The following ATP7A variants were observed in gnomAD, a reference collection of about 807,000 sequenced individuals.
The protein encoded by ATP7A is ATPase copper transporting alpha.
ATP7A carries 7 observed loss-of-function variants against 83.5 expected under a neutral mutation model. The observed-to-expected ratio is 0.08, with a 90% CI of 0.05 to 0.16. The LOEUF is 0.16. Ranked by LOEUF, ATP7A falls within the 10% of genes least tolerant of loss-of-function variation. The probability of loss-of-function intolerance (pLI) is 1.00; values close to 1 mark genes in which losing one functional copy is unlikely to be tolerated. For synonymous variants in ATP7A, 354 were observed against 395.2 expected (o/e 0.90, Z 1.24); for missense variants, 940 against 1,120.8 (o/e 0.84, Z 2.30).
intron 13 of ATP7A, 81 bp from the exon 14 acceptor site, chrX:78,020,864 C>A (rs1470048629): frequency 9.7e-7 from 1 of 1,034,087 alleles, no homozygotes; most frequent in African/African-American, 1.9e-5. Context: ...GTGCTAACTA[C>A]TAAATATACT....
chrX:78,004,628 A>G (rs2077761518), intron 6 of ATP7A, among the ~76,000 whole-genome samples: 2 of 111,326 alleles, frequency 1.8e-5, no homozygotes. Context: ...CACGCCTGTA[A>G]TCCCAGCACT....
intron 1 of ATP7A, chrX:77,968,909 C>A (rs1244662202): frequency 5.0e-6 from 6 of 1,208,948 alleles, no homozygotes; most frequent in Non-Finnish European, 6.7e-6. Flanking sequence ...GCCACAGCTT[C>A]TATGGCTTTG....
Position 78,046,869 on chromosome X carries a change from G to T in ATP7A, c.*299G>T. The T allele has an allele frequency of 5.3e-5, 9 of 168,896 alleles. No homozygotes were observed. Among genetic ancestry groups the T allele is most frequent in the South Asian group, 3.0e-4 (1 of 3,311 alleles). 13.9% of individuals were successfully genotyped at this position (168,896 alleles called of 1,213,427 possible). On this transcript the variant is annotated 3_prime_UTR_variant, in exon 23 of 23. Coordinates refer to ENST00000341514, the MANE Select transcript of ATP7A (RefSeq NM_000052.7). ...GAGATTGCTGAACTGCTGCTAAAGT[G>T]ATTTTTTTTTTATTTGACCAAAAAA... is the stretch of plus-strand genomic sequence containing the variant.
intron 2 of ATP7A, chrX:77,974,916 T>G: frequency 7.6e-6 from 2 of 263,932 alleles, no homozygotes; most frequent in Non-Finnish European, 1.3e-5. Flanking sequence ...TTAGGGTACA[T>G]GTGCACATTG....
chrX:78,034,227 A>G (rs2077999138), intron 17 of ATP7A, among the ~76,000 whole-genome samples: 1 of 111,804 alleles, frequency 8.9e-6, no homozygotes, highest in Non-Finnish European at 1.9e-5. Flanking sequence ...GGAAAGCAGT[A>G]TCCTTCATCT....
At position 77,978,936 on chromosome X, in the gene ATP7A, A is replaced by G. The variant is rs782380494; in HGVS notation, c.120+7175A>G. On this transcript the variant is annotated intron_variant, in intron 2 of 22. Coordinates refer to ENST00000341514, the MANE Select transcript of ATP7A (RefSeq NM_000052.7). The stretch of plus-strand genomic sequence containing the variant: ...AACCTTCGCCTCCTGGGTTCAAGTG[A>G]TTCTCCTGTCTCAGCCTCCCGAGTA... Among the ~76,000 whole-genome samples, 5 of 110,883 alleles carry G rather than the reference A, an allele frequency of 4.5e-5. No homozygotes were observed. In the South Asian group the frequency reaches 1.9e-3, roughly 42 times the overall value.
intron 1 of ATP7A, among the ~76,000 whole-genome samples, chrX:77,953,282 A>G (rs2077423636): frequency 8.9e-6 from 1 of 111,889 alleles, no homozygotes; most frequent in Non-Finnish European, 1.9e-5. Context: ...CAGATGATTT[A>G]AAAATAAATT....
intron 1 of ATP7A, among the ~76,000 whole-genome samples, chrX:77,931,314 GA>G (rs1557224185): frequency 9.0e-6 from 1 of 110,733 alleles, no homozygotes; most frequent in Non-Finnish European, 1.9e-5. Context: ...ATGTTTCAGA[GA>G]GCACAGGGTT....
At chrX:77,920,049 G>T (rs868994758) in intron 1 of ATP7A, among the ~76,000 whole-genome samples, 20 of 110,960 alleles carry the variant, frequency 1.8e-4, no homozygotes, top group African/African-American at 5.3e-4. Flanking sequence ...GGGTACATTT[G>T]CAGGTTTGTT....
Position 78,037,980 on chromosome X carries a change from G to GTTTTTTTTTTTTTTT in ATP7A, c.3512-844_3512-830dup, listed in dbSNP as rs782643561. ...AGAGAGGTGGGTGAGATCAAGAAAG[G>GTTTTTTTTTTTTTTT]TTTTTTTTTTTTTTTTTTTTTTTTT... On this transcript the variant is annotated intron_variant, in intron 17 of 22. Transcript: ENST00000341514. 1.4e-3 allele frequency among the ~76,000 whole-genome samples: 72 copies of GTTTTTTTTTTTTTTT among 51,198 alleles called. 8 individuals are homozygous for GTTTTTTTTTTTTTTT. The highest frequency in any genetic ancestry group is 1.5e-3 in the African/African-American group (15 of 9,770). The allele number at this position is 51,198 out of a possible 115,157, so 44.5% of individuals were successfully genotyped here.
intron 16 of ATP7A, 55 bp downstream of exon 16, chrX:78,031,637 G>T: frequency 3.6e-6 from 4 of 1,124,743 alleles, no homozygotes; most frequent in East Asian, 3.0e-5. Context: ...GGAATTCCCC[G>T]GATCAAATCT....
chrX:78,037,996 T>G (rs1333423050), intron 17 of ATP7A, among the ~76,000 whole-genome samples: 3 of 93,908 alleles, frequency 3.2e-5, no homozygotes, highest in Non-Finnish European at 6.3e-5. Flanking sequence ...TTTTTTTTTT[T>G]TTTTTTTTTT....
chrX:77,981,529 G>A (rs2077605468), intron 2 of ATP7A, among the ~76,000 whole-genome samples: 1 of 112,046 alleles, frequency 8.9e-6, no homozygotes, highest in South Asian at 3.7e-4. Context: ...CATTAGAAAT[G>A]GCCAGGCATA....
intron 1 of ATP7A, among the ~76,000 whole-genome samples, chrX:77,929,358 A>T (rs1443458382): frequency 4.5e-5 from 5 of 111,726 alleles, no homozygotes; most frequent in Admixed American, 2.9e-4. Context: ...TTCAACTCTA[A>T]TGACTATTAC....
chrX:77,966,335 C>T (rs2077505444), intron 1 of ATP7A, among the ~76,000 whole-genome samples: 2 of 111,488 alleles, frequency 1.8e-5, no homozygotes, highest in Non-Finnish European at 1.9e-5. Flanking sequence ...AGTAAATATT[C>T]GTAAGTTTGA....
At position 77,988,230 on chromosome X, in the gene ATP7A, T is replaced by C. The variant is rs1557231556; in HGVS notation, c.121-12T>C. 4.2e-6 allele frequency: 5 copies of C among 1,196,415 alleles called. No individual in the cohort carries two copies. The highest frequency in any genetic ancestry group is 5.6e-6 in the Non-Finnish European group (5 of 889,145). On this transcript the variant is annotated splice_polypyrimidine_tract_variant and intron_variant, in intron 2 of 22. Transcript: ENST00000341514. ...TTTAATTAAACTGACTTTTGGAATT[T>C]CCTTCCAAAAGGTATCACTGGAAGA...
intron 1 of ATP7A, among the ~76,000 whole-genome samples, chrX:77,944,347 A>G (rs782356394): frequency 1.8e-5 from 2 of 112,360 alleles, no homozygotes; most frequent in East Asian, 5.5e-4. Flanking sequence ...ATAAAGTAAC[A>G]TAATATATGA....
At position 78,046,799 on chromosome X, in the gene ATP7A, A is replaced by T. The variant is rs967543861; in HGVS notation, c.*229A>T. On this transcript the variant is annotated 3_prime_UTR_variant, in exon 23 of 23. Transcript: ENST00000341514. ...CAGTATATTTTTGTTTTCACTAACA[A>T]CAGATAAGGTAGAGCAGTGAGGTTT... 2 of 428,032 alleles carry T rather than the reference A, an allele frequency of 4.7e-6. No individual in the cohort carries two copies. The highest frequency in any genetic ancestry group is 8.0e-5 in the Admixed American group (2 of 24,973). 35.3% of individuals were successfully genotyped at this position (428,032 alleles called of 1,213,427 possible). A position where few individuals can be genotyped will look rare whatever the true frequency, so the allele number is the denominator to read the frequency against.
At chrX:78,032,447 C>T (rs2077989146) in intron 16 of ATP7A, among the ~76,000 whole-genome samples, 1 of 111,945 alleles carries the variant, frequency 8.9e-6, no homozygotes, top group South Asian at 3.7e-4. Flanking sequence ...TTTATACCTG[C>T]ACCAAAAGTT....
Sources: allele counts gnomAD v4.1 joint callset (sites outside exome capture counted in the v4.1 genomes callset), GRCh38; gene constraint gnomAD v4.1.1; transcripts MANE v1.5; gene names NCBI Gene and HGNC (gene_info 2026-07-23, HGNC 2026-07-21).